UBASH3B: variants seen among roughly 807,000 people sequenced by gnomAD.
The protein encoded by UBASH3B is ubiquitin-associated and SH3 domain-containing protein B.
In UBASH3B, 37 loss-of-function variants were observed where a neutral mutation model predicts 83.4. The observed-to-expected ratio is 0.44, with a 90% CI of 0.34 to 0.58. The LOEUF is 0.58. Ranked by LOEUF, UBASH3B falls within the 20% of genes least tolerant of loss-of-function variation. The probability of loss-of-function intolerance (pLI) is 0.01; values close to 1 mark genes in which losing one functional copy is unlikely to be tolerated. For synonymous variants in UBASH3B, 304 were observed against 318.3 expected (o/e 0.96, Z 0.48); for missense variants, 657 against 827.2 (o/e 0.79, Z 2.52).
chr11:122,768,379 T>C (rs758203995), intron 1 of UBASH3B, among the ~76,000 whole-genome samples: 1 of 152,020 alleles, frequency 6.6e-6, no homozygotes, highest in Non-Finnish European at 1.5e-5. Context: ...AAATACCATA[T>C]TGCAGTCAGG....
intron 1 of UBASH3B, among the ~76,000 whole-genome samples, chr11:122,748,782 T>C (rs919756858): frequency 2.0e-5 from 3 of 152,200 alleles, no homozygotes; most frequent in Non-Finnish European, 4.4e-5. Flanking sequence ...CCAAACTGTG[T>C]CACAGTCCCT....
At chr11:122,697,790 T>C (rs949377932) in intron 1 of UBASH3B, among the ~76,000 whole-genome samples, 5 of 152,146 alleles carry the variant, frequency 3.3e-5, no homozygotes, top group African/African-American at 1.2e-4. Context: ...CATAGATACA[T>C]GGGTTTACAG....
At chr11:122,787,471 T>A (rs902977631) in intron 5 of UBASH3B, among the ~76,000 whole-genome samples, 1 of 152,218 alleles carries the variant, frequency 6.6e-6, no homozygotes, top group Non-Finnish European at 1.5e-5. Flanking sequence ...ATGAGCTCTC[T>A]GCACAATCAC....
intron 6 of UBASH3B, among the ~76,000 whole-genome samples, chr11:122,791,061 C>A (rs1281288636): frequency 6.6e-6 from 1 of 152,184 alleles, no homozygotes; most frequent in African/African-American, 2.4e-5. Context: ...TATAGGTGAA[C>A]CTGAGTGACT....
intron 1 of UBASH3B, among the ~76,000 whole-genome samples, chr11:122,670,588 G>A (rs1197963157): frequency 1.3e-5 from 2 of 152,136 alleles, no homozygotes; most frequent in African/African-American, 4.8e-5. Flanking sequence ...TGCAGAGCCT[G>A]ACCTTAAGTG....
rs74694475 is a variant in UBASH3B at position 122,796,422 on chromosome 11, T to C, written c.1234+146T>C. 2,637 of 1,302,126 alleles carry C rather than the reference T, an allele frequency of 2.0e-3. 39 individuals are homozygous for C. The African/African-American group carries it at 0.035, about 17-fold the overall frequency. 80.7% of individuals were successfully genotyped at this position (1,302,126 alleles called of 1,614,324 possible). A position where few individuals can be genotyped will look rare whatever the true frequency, so the allele number is the denominator to read the frequency against. ...GTCATGTGTAAGCCCCTCCTGATTG[T>C]CTTGAGCTTTAGAGAAGAAGTAAGT... On this transcript the variant is annotated intron_variant, in intron 8 of 13. Transcript: ENST00000284273.
chr11:122,672,045 A>G (rs1027373998), intron 1 of UBASH3B, among the ~76,000 whole-genome samples: 6 of 152,052 alleles, frequency 3.9e-5, no homozygotes, highest in African/African-American at 7.2e-5. Flanking sequence ...AAAGACATGC[A>G]GAGATAAGGA....
intron 11 of UBASH3B, among the ~76,000 whole-genome samples, chr11:122,802,295 C>G: frequency 8.7e-6 from 1 of 114,772 alleles, no homozygotes; most frequent in South Asian, 2.8e-4. Context: ...AGCCTGGTGA[C>G]AGAGTGAGAC....
intron 1 of UBASH3B, among the ~76,000 whole-genome samples, chr11:122,658,243 G>A (rs1422128530): frequency 2.0e-5 from 3 of 151,024 alleles, no homozygotes; most frequent in Non-Finnish European, 4.4e-5. Context: ...TGCAGAATTA[G>A]CATAGTCTCA....
chr11:122,719,608 T>C (rs1453642179), intron 1 of UBASH3B, among the ~76,000 whole-genome samples: 2 of 152,212 alleles, frequency 1.3e-5, no homozygotes, highest in East Asian at 1.9e-4. Context: ...TCAGCCTTAG[T>C]AGCTGGAAAG....
chr11:122,779,361 C>T (rs149857013), intron 3 of UBASH3B, 136 bp from the exon 4 acceptor site: 97 of 888,886 alleles, frequency 1.1e-4, no homozygotes, highest in Middle Eastern at 6.7e-4. Context: ...CCTCTCTCCC[C>T]ACAGACAGGG....
intron 1 of UBASH3B, among the ~76,000 whole-genome samples, chr11:122,674,632 C>T (rs548077360): frequency 2.4e-3 from 358 of 152,078 alleles, no homozygotes; most frequent in Non-Finnish European, 4.3e-3. Flanking sequence ...CTGCCCTCCT[C>T]GGCATCCCAA....
At chr11:122,664,841 A>G (rs1157058475) in intron 1 of UBASH3B, among the ~76,000 whole-genome samples, 1 of 152,218 alleles carries the variant, frequency 6.6e-6, no homozygotes, top group Admixed American at 6.5e-5. Flanking sequence ...GGTTTTTCCC[A>G]TCTGGCACTC....
At chr11:122,782,429 C>G (rs1860871053) in intron 4 of UBASH3B, 2 of 152,134 alleles carry the variant, frequency 1.3e-5, no homozygotes, top group Non-Finnish European at 2.9e-5. Flanking sequence ...TCAATTGTTA[C>G]AGCTTGGAGA....
At chr11:122,747,604 A>G (rs573842259) in intron 1 of UBASH3B, among the ~76,000 whole-genome samples, 4 of 152,340 alleles carry the variant, frequency 2.6e-5, no homozygotes, top group Admixed American at 6.5e-5. Flanking sequence ...TATAAACAAT[A>G]GCATCTGCAG....
At chr11:122,690,204 ATATATC>A (rs1863872035) in intron 1 of UBASH3B, among the ~76,000 whole-genome samples, 6 of 24,568 alleles carry the variant, frequency 2.4e-4, no homozygotes, top group Non-Finnish European at 6.0e-4. Context: ...ATATATATAT[ATATATC>A]CAATTATATA....
rs1001082322 is a variant in UBASH3B, at chr11:122,810,122, T to G, written c.*236T>G. The G allele has an allele frequency of 4.2e-6, 2 of 470,868 alleles. No homozygotes were observed. Among genetic ancestry groups the G allele is most frequent in the Non-Finnish European group, 7.4e-6 (2 of 269,106 alleles). The allele number at this position is 470,868 out of a possible 1,614,324, so 29.2% of individuals were successfully genotyped here. A position where few individuals can be genotyped will look rare whatever the true frequency, so the allele number is the denominator to read the frequency against. The stretch of plus-strand genomic sequence containing the variant: ...CCTAGCTCACAAGGCTTTGGAGAAT[T>G]GTCTTCCTAAATCGGGGCACCTGCT... On this transcript the variant is annotated 3_prime_UTR_variant, in exon 14 of 14. Transcript: ENST00000284273.
chr11:122,719,492 C>T (rs1026165302), intron 1 of UBASH3B, among the ~76,000 whole-genome samples: 5 of 152,158 alleles, frequency 3.3e-5, no homozygotes, highest in Admixed American at 2.6e-4. Context: ...TAAAATAAGT[C>T]TCTGAGAGGG....
intron 1 of UBASH3B, chr11:122,775,951 A>C (rs565544838): frequency 1.3e-5 from 5 of 381,362 alleles, no homozygotes; most frequent in Non-Finnish European, 2.3e-5. Flanking sequence ...ATAAAACTCT[A>C]ATGTGGAAAC....
Sources: gnomAD v4.1 joint callset for allele counts (sites outside exome capture counted in the v4.1 genomes callset) on GRCh38, gnomAD v4.1.1 for gene constraint, MANE v1.5 for transcripts, NCBI Gene and HGNC (gene_info 2026-07-23, HGNC 2026-07-21) for gene names.